Variants in LRRC4C observed in about 807,000 individuals in gnomAD.
The protein encoded by LRRC4C is leucine-rich repeat-containing protein 4C.
Under a neutral mutation model 33.6 loss-of-function variants are expected in LRRC4C, and 5 were observed. The observed-to-expected ratio is 0.15, with a 90% CI of 0.08 to 0.31. LRRC4C has a LOEUF of 0.31. Among genes scored for constraint, LRRC4C ranks in the 10% least tolerant of loss-of-function variants. The pLI, the probability that LRRC4C is intolerant of heterozygous loss-of-function variation, is 1.00. For missense variants in LRRC4C, 560 were observed against 796.7 expected (o/e 0.70, Z 3.58); for synonymous variants, 329 against 302.0 (o/e 1.09, Z -0.93).
intron 4 of LRRC4C, among the ~76,000 whole-genome samples, chr11:40,284,425 C>T (rs949551972): frequency 2.7e-5 from 4 of 149,290 alleles, no homozygotes; most frequent in Admixed American, 1.3e-4. Context: ...AGAGGAAGAA[C>T]GAGTAATAGA....
intron 1 of LRRC4C, among the ~76,000 whole-genome samples, chr11:41,046,269 A>G (rs2138055375): frequency 6.6e-6 from 1 of 152,302 alleles, no homozygotes; most frequent in African/African-American, 2.4e-5. Context: ...CAAGGTAAGT[A>G]TCATTGCCTG....
intron 3 of LRRC4C, among the ~76,000 whole-genome samples, chr11:40,408,596 G>C (rs2137613675): frequency 6.6e-6 from 1 of 152,006 alleles, no homozygotes; most frequent in East Asian, 1.9e-4. Flanking sequence ...ATAAGGTCTA[G>C]AACATGGGTT....
At position 40,753,232 on chromosome 11, in the gene LRRC4C, G is replaced by A. The variant is rs896532593; in HGVS notation, c.-406-104954C>T. 1.4e-4 allele frequency among the ~76,000 whole-genome samples: 22 copies of A among 151,958 alleles called. No individual in the cohort carries two copies. The East Asian group carries it at 1.7e-3, about 12-fold the overall frequency. On this transcript the variant is annotated intron_variant, in intron 2 of 6. Transcript: ENST00000528697. The stretch of plus-strand genomic sequence containing the variant: ...AAATTACTTCGAATGCTTTATAGCC[G>A]ATTAGGGTGACTACAGTTAGCAATA...
chr11:40,132,474 G>A (rs1856712062), intron 6 of LRRC4C, among the ~76,000 whole-genome samples: 1 of 152,092 alleles, frequency 6.6e-6, no homozygotes, highest in Admixed American at 6.6e-5. Context: ...GATAAAATAA[G>A]GTCCTGTGCT....
At chr11:41,120,385 T>C (rs1942360295) in intron 1 of LRRC4C, among the ~76,000 whole-genome samples, 1 of 152,338 alleles carries the variant, frequency 6.6e-6, no homozygotes, top group Admixed American at 6.5e-5. Flanking sequence ...ATTCACTCTC[T>C]ACCATTCTCC....
chr11:40,216,120 T>G (rs1244265076), intron 5 of LRRC4C, among the ~76,000 whole-genome samples: 1 of 152,212 alleles, frequency 6.6e-6, no homozygotes, highest in African/African-American at 2.4e-5. Context: ...AAATTCTCCT[T>G]GTTAAAAAAT....
chr11:40,991,204 T>TA lies in LRRC4C; in HGVS notation c.-495-57482dup, dbSNP rs1186155913. On this transcript the variant is annotated intron_variant, in intron 1 of 6. Coordinates refer to ENST00000528697, the MANE Select transcript of LRRC4C (RefSeq NM_001258419.2). ...GTGAACCTGGCAGCTTCCCAATATG[T>TA]AAAAAAAAAAAAAAAAAAAAAAAAA... is the stretch of plus-strand genomic sequence containing the variant. Among the ~76,000 whole-genome samples the TA allele has an allele frequency of 9.4e-3, 973 of 103,294 alleles. 8 individuals are homozygous for TA. Among genetic ancestry groups the TA allele is most frequent in the African/African-American group, 0.024 (638 of 26,642 alleles). The allele number at this position is 103,294 out of a possible 152,430, so 67.8% of individuals were successfully genotyped here.
intron 5 of LRRC4C, among the ~76,000 whole-genome samples, chr11:40,179,948 A>C (rs141298772): frequency 8.5e-5 from 13 of 152,332 alleles, no homozygotes; most frequent in Non-Finnish European, 2.9e-5. Context: ...ATAGGTAGAA[A>C]AATGAATAGA....
At chr11:41,436,076 C>T (rs993150150) in intron 1 of LRRC4C, among the ~76,000 whole-genome samples, 7 of 152,038 alleles carry the variant, frequency 4.6e-5, no homozygotes, top group African/African-American at 7.2e-5. Flanking sequence ...TGGTGATGGA[C>T]GCCTGTAATC....
chr11:41,395,364 A>G (rs757181513), intron 1 of LRRC4C, among the ~76,000 whole-genome samples: 1 of 152,030 alleles, frequency 6.6e-6, no homozygotes, highest in Admixed American at 6.6e-5. Context: ...ATTTATACCC[A>G]GCAAATAATG....
At chr11:40,226,274 A>G (rs1590759546) in intron 5 of LRRC4C, among the ~76,000 whole-genome samples, 1 of 152,180 alleles carries the variant, frequency 6.6e-6, no homozygotes, top group African/African-American at 2.4e-5. Context: ...CTAGATCAGT[A>G]TTAGGCCAAT....
chr11:40,628,216 G>A (rs1461897067), intron 3 of LRRC4C, among the ~76,000 whole-genome samples: 8 of 152,186 alleles, frequency 5.3e-5, no homozygotes, highest in Admixed American at 5.2e-4. Flanking sequence ...GGTGGCTCAA[G>A]CCTGTAATCC....
chr11:40,785,521 T>C (rs974883309), intron 2 of LRRC4C, among the ~76,000 whole-genome samples: 1 of 152,178 alleles, frequency 6.6e-6, no homozygotes, highest in Non-Finnish European at 1.5e-5. Flanking sequence ...CCTCTTTTTA[T>C]AATGTGCAAT....
intron 1 of LRRC4C, among the ~76,000 whole-genome samples, chr11:41,150,738 G>A (rs528101811): frequency 1.3e-5 from 2 of 151,682 alleles, no homozygotes; most frequent in East Asian, 1.9e-4. Flanking sequence ...GCAGTGAGCC[G>A]AGATCATGCC....
intron 1 of LRRC4C, among the ~76,000 whole-genome samples, chr11:41,389,123 T>C (rs886496206): frequency 4.0e-5 from 6 of 151,884 alleles, no homozygotes; most frequent in African/African-American, 1.4e-4. Context: ...TTCTCTTTAA[T>C]TTGTAAGCAG....
intron 1 of LRRC4C, among the ~76,000 whole-genome samples, chr11:41,148,144 T>C (rs541744012): frequency 6.6e-6 from 1 of 152,224 alleles, no homozygotes; most frequent in South Asian, 2.1e-4. Context: ...GCCTCCCAAG[T>C]AGTTGGGACT....
chr11:40,722,865 T>C (rs1947096323), intron 2 of LRRC4C, among the ~76,000 whole-genome samples: 1 of 151,976 alleles, frequency 6.6e-6, no homozygotes, highest in East Asian at 1.9e-4. Context: ...AGAAAAATAA[T>C]CCAAAATTTA....
At chr11:41,018,828 A>T in intron 1 of LRRC4C, among the ~76,000 whole-genome samples, 1 of 152,038 alleles carries the variant, frequency 6.6e-6, no homozygotes, top group Admixed American at 6.5e-5. Context: ...AAGTAGCAAA[A>T]TTTTCTTAAC....
chr11:41,003,567 G>C (rs1409762774), intron 1 of LRRC4C, among the ~76,000 whole-genome samples: 1 of 151,994 alleles, frequency 6.6e-6, no homozygotes. Flanking sequence ...AGATAAAAAG[G>C]CACTATTTTT....
Sources: gnomAD v4.1 joint callset for allele counts (sites outside exome capture counted in the v4.1 genomes callset) on GRCh38, gnomAD v4.1.1 for gene constraint, MANE v1.5 for transcripts, NCBI Gene and HGNC (gene_info 2026-07-23, HGNC 2026-07-21) for gene names.